HIVEP1: variants seen among roughly 807,000 people sequenced by gnomAD.
HIVEP1 encodes HIVEP zinc finger 1, also known as zinc finger protein 40.
HIVEP1 carries 36 observed loss-of-function variants against 180.0 expected under a neutral mutation model. That is an observed-to-expected ratio of 0.20 (90% confidence interval 0.15 to 0.26). The LOEUF (loss-of-function observed/expected upper bound fraction) is 0.26. HIVEP1 is among the 10% of genes least tolerant of loss of function. HIVEP1 has a pLI of 1.00. For missense variants in HIVEP1, 3,143 were observed against 3,268.7 expected (o/e 0.96, Z 0.94); for synonymous variants, 1,239 against 1,239.0 (o/e 1.00, Z 0.00).
intron 3 of HIVEP1, among the ~76,000 whole-genome samples, chr6:12,108,187 A>G (rs944693333): frequency 6.6e-6 from 1 of 152,198 alleles, no homozygotes; most frequent in African/African-American, 2.4e-5. Context: ...ACAAACCCTG[A>G]GCTAGACACA....
At chr6:12,100,945 A>G (rs1166800721) in intron 3 of HIVEP1, among the ~76,000 whole-genome samples, 2 of 152,178 alleles carry the variant, frequency 1.3e-5, no homozygotes, top group Non-Finnish European at 2.9e-5. Context: ...TTCTGGTCCC[A>G]AGCATTTTGG....
chr6:12,180,140 T>C, the HIVEP1 span, among the ~76,000 whole-genome samples: 1 of 152,202 alleles, frequency 6.6e-6, no homozygotes, highest in Non-Finnish European at 1.5e-5. Flanking sequence ...CTTCTATTAA[T>C]ACTATGAGGT....
At chr6:12,081,917 C>T (rs767252129) in intron 2 of HIVEP1, among the ~76,000 whole-genome samples, 2 of 152,156 alleles carry the variant, frequency 1.3e-5, no homozygotes, top group Non-Finnish European at 2.9e-5. Context: ...CTTCGGGAAA[C>T]ACCACCAGTG....
the HIVEP1 span, among the ~76,000 whole-genome samples, chr6:12,189,237 T>TA: frequency 9.2e-4 from 140 of 151,982 alleles, no homozygotes; most frequent in Middle Eastern, 3.4e-3. Context: ...AAAATACCAG[T>TA]AAAAAGACTG....
chr6:12,154,461 C>A (rs548241746), intron 7 of HIVEP1, among the ~76,000 whole-genome samples: 1 of 152,294 alleles, frequency 6.6e-6, no homozygotes, highest in South Asian at 2.1e-4. Flanking sequence ...CAGTCAGAGC[C>A]GTCTGTCTCA....
At chr6:12,022,961 T>C (rs1055021209) in intron 2 of HIVEP1, among the ~76,000 whole-genome samples, 23 of 152,224 alleles carry the variant, frequency 1.5e-4, no homozygotes, top group African/African-American at 5.3e-4. Context: ...TTTTTGACAG[T>C]GTTAGATGAG....
chr6:12,118,881 T>A (rs553471554), intron 3 of HIVEP1, among the ~76,000 whole-genome samples: 1 of 152,194 alleles, frequency 6.6e-6, no homozygotes, highest in Non-Finnish European at 1.5e-5. Flanking sequence ...CCTGAAAATA[T>A]CAGTTTTGCA....
chr6:12,125,946 T>TTCCAG, intron 4 of HIVEP1, 76 bp downstream of exon 4: 2 of 803,030 alleles, frequency 2.5e-6, no homozygotes, highest in Non-Finnish European at 2.0e-6. Flanking sequence ...CTTTAAATAT[T>TTCCAG]TTAACTGGAA....
the HIVEP1 span, among the ~76,000 whole-genome samples, chr6:12,186,547 T>A: frequency 7.1e-6 from 1 of 140,732 alleles, no homozygotes. Context: ...ATCAAATTGT[T>A]AAAAAAAAAA....
chr6:12,158,164 G>A (rs1210862773), intron 7 of HIVEP1, among the ~76,000 whole-genome samples: 1 of 152,096 alleles, frequency 6.6e-6, no homozygotes, highest in East Asian at 1.9e-4. Context: ...TGTATGCCTT[G>A]TAATTTTGTG....
intron 7 of HIVEP1, among the ~76,000 whole-genome samples, chr6:12,148,317 C>T (rs1406473483): frequency 6.6e-6 from 1 of 152,170 alleles, no homozygotes; most frequent in East Asian, 1.9e-4. Context: ...GTCTCCACCT[C>T]CCTCATCATA....
intron 5 of HIVEP1, 135 bp downstream of exon 5, chr6:12,130,027 C>A: frequency 1.6e-6 from 1 of 628,576 alleles, no homozygotes; most frequent in Non-Finnish European, 2.8e-6. Flanking sequence ...AACAGAATCT[C>A]CATAGCAAAA....
chr6:12,029,804 A>T (rs1768821331), intron 2 of HIVEP1, among the ~76,000 whole-genome samples: 1 of 152,184 alleles, frequency 6.6e-6, no homozygotes, highest in Non-Finnish European at 1.5e-5. Flanking sequence ...TCCTTTACAC[A>T]ATCTTTTTTA....
chr6:12,015,765 C>T lies in HIVEP1; in HGVS notation c.40+97C>T, dbSNP rs1767699302. ...AATGGCCGTTTGTTAGATGTTGACC[C>T]TGCCTGGTGAGGAGCGCTATTTCTC... is the stretch of plus-strand genomic sequence containing the variant. On this transcript the variant is annotated intron_variant, in intron 2 of 8. Transcript: ENST00000379388. 4 of 1,109,372 alleles carry T rather than the reference C, an allele frequency of 3.6e-6. No homozygotes were observed. In the Admixed American group the frequency reaches 7.5e-5, roughly 21 times the overall value. The allele number at this position is 1,109,372 out of a possible 1,614,324, so 68.7% of individuals were successfully genotyped here.
At chr6:12,082,575 T>C (rs1772857714) in intron 2 of HIVEP1, among the ~76,000 whole-genome samples, 1 of 152,168 alleles carries the variant, frequency 6.6e-6, no homozygotes. Context: ...CTGCCAGTTA[T>C]GTAAGAAAGT....
chr6:12,156,146 T>C (rs1760029220), intron 7 of HIVEP1, among the ~76,000 whole-genome samples: 1 of 152,136 alleles, frequency 6.6e-6, no homozygotes, highest in Admixed American at 6.5e-5. Flanking sequence ...CTCTGGACAT[T>C]AGACCTTTGT....
chr6:12,009,120 T>TGGCGGTGGCGGCGGCGGCGGCGGC, upstream of HIVEP1, among the ~76,000 whole-genome samples: 1 of 146,058 alleles, frequency 6.8e-6, no homozygotes, highest in East Asian at 2.0e-4. Context: ...CGCGTGGCGG[T>TGGCGGTGGCGGCGGCGGCGGCGGC]GGCGGCGGCG....
At chr6:12,167,631 T>TAATATAACATG (rs1760744283), downstream of HIVEP1, among the ~76,000 whole-genome samples, 1 of 100,832 alleles carries the variant, frequency 9.9e-6, no homozygotes, top group Admixed American at 9.6e-5. Flanking sequence ...TATATACATG[T>TAATATAACATG]TATATATACA....
chr6:12,043,033 G>T (rs1769879572), intron 2 of HIVEP1, among the ~76,000 whole-genome samples: 6 of 152,170 alleles, frequency 3.9e-5, no homozygotes, highest in Admixed American at 3.9e-4. Flanking sequence ...TCGCAGAATT[G>T]CCATGTAGTA....
Sources: allele counts gnomAD v4.1 joint callset (sites outside exome capture counted in the v4.1 genomes callset), GRCh38; gene constraint gnomAD v4.1.1; transcripts MANE v1.5; gene names NCBI Gene and HGNC (gene_info 2026-07-23, HGNC 2026-07-21).